Variants in TTC7B observed in about 807,000 individuals in gnomAD.
TTC7B encodes tetratricopeptide repeat protein 7B.
TTC7B carries 28 observed loss-of-function variants against 106.8 expected under a neutral mutation model. The observed-to-expected ratio is 0.26, with a 90% CI of 0.19 to 0.36. The LOEUF (loss-of-function observed/expected upper bound fraction) is 0.36. Ranked by LOEUF, TTC7B falls within the 10% of genes least tolerant of loss-of-function variation. The pLI, the probability that TTC7B is intolerant of heterozygous loss-of-function variation, is 1.00. For missense variants in TTC7B, 862 were observed against 1,076.4 expected, an observed-to-expected ratio of 0.80 and a Z score of 2.79; for synonymous variants, 405 against 430.6, an observed-to-expected ratio of 0.94 and a Z score of 0.74.
At chr14:90,664,253 T>G (rs1403992959) in intron 9 of TTC7B, among the ~76,000 whole-genome samples, 1 of 152,122 alleles carries the variant, frequency 6.6e-6, no homozygotes, top group Admixed American at 6.6e-5. Flanking sequence ...ATAAAAGCAT[T>G]CACATTTTTT....
chr14:90,678,722 A>G (rs1306318328), intron 8 of TTC7B, among the ~76,000 whole-genome samples: 1 of 152,222 alleles, frequency 6.6e-6, no homozygotes, highest in African/African-American at 2.4e-5. Context: ...ATTAGTTTCT[A>G]TCACTTCAAT....
At chr14:90,730,616 G>C (rs1210394542) in intron 4 of TTC7B, among the ~76,000 whole-genome samples, 2 of 152,192 alleles carry the variant, frequency 1.3e-5, no homozygotes, top group South Asian at 2.1e-4. Context: ...CTGCAGCCCT[G>C]CATGAGCTTG....
At chr14:90,609,315 G>C (rs79555742) in intron 17 of TTC7B, among the ~76,000 whole-genome samples, 3 of 152,304 alleles carry the variant, frequency 2.0e-5, no homozygotes, top group Middle Eastern at 3.4e-3. Context: ...GATTTGTGCC[G>C]CTTCCAGTGC....
chr14:90,661,450 T>G (rs1411365523), intron 9 of TTC7B, among the ~76,000 whole-genome samples: 1 of 151,942 alleles, frequency 6.6e-6, no homozygotes, highest in African/African-American at 2.4e-5. Flanking sequence ...CTGGGAGGCA[T>G]GGGCTGGGAC....
chr14:90,694,550 A>G (rs1887599723), intron 6 of TTC7B, among the ~76,000 whole-genome samples: 1 of 134,268 alleles, frequency 7.4e-6, no homozygotes, highest in African/African-American at 2.8e-5. Context: ...GGCTTGCGCA[A>G]GTTCACAAGC....
intron 7 of TTC7B, among the ~76,000 whole-genome samples, chr14:90,681,297 C>A (rs923882188): frequency 6.6e-6 from 1 of 152,022 alleles, no homozygotes; most frequent in Non-Finnish European, 1.5e-5. Context: ...TGAATGTTAT[C>A]ACCAATTGGG....
chr14:90,620,203 T>C lies in TTC7B; in HGVS notation c.1752-2158A>G, dbSNP rs560368789. On this transcript the variant is annotated intron_variant, in intron 15 of 19. Transcript: ENST00000328459. ...GACGAGGGCCAGGTAAAGGGAGGAA[T>C]GTAGTCTCTGATCTACAAGCAGATG... Among the ~76,000 whole-genome samples the C allele has an allele frequency of 7.9e-5, 12 of 152,072 alleles. No homozygotes were observed. The South Asian group carries it at 2.5e-3, about 32-fold the overall frequency.
chr14:90,789,205 TCTC>T, intron 1 of TTC7B, among the ~76,000 whole-genome samples: 1 of 152,122 alleles, frequency 6.6e-6, no homozygotes, highest in Middle Eastern at 3.4e-3. Context: ...TTCAAGCAAT[TCTC>T]CTGCCTCAGC....
intron 17 of TTC7B, among the ~76,000 whole-genome samples, chr14:90,607,249 G>A (rs1218698275): frequency 6.6e-6 from 1 of 152,240 alleles, no homozygotes; most frequent in Non-Finnish European, 1.5e-5. Context: ...AAAGGAATCT[G>A]CCTGCACAGC....
In TTC7B at chr14:90,780,624, C is replaced by G. The variant is rs1275357151; in HGVS notation, c.445+114G>C. Reference sequence around the variant, plus strand: ...CTGCAGGGCGGCCCCAGCAGCCTTGCTGGGAACTGCCAGGTTCATCACCAG... The same window carrying G: ...CTGCAGGGCGGCCCCAGCAGCCTTGGTGGGAACTGCCAGGTTCATCACCAG... On this transcript the variant is annotated intron_variant, in intron 3 of 19. Coordinates refer to ENST00000328459, the MANE Select transcript of TTC7B (RefSeq NM_001010854.2). 5 of 1,293,802 alleles carry G rather than the reference C, an allele frequency of 3.9e-6. No homozygotes were observed. The East Asian group carries it at 1.2e-4, about 30-fold the overall frequency. 80.1% of individuals were successfully genotyped at this position (1,293,802 alleles called of 1,614,324 possible). A position where few individuals can be genotyped will look rare whatever the true frequency, so the allele number is the denominator to read the frequency against.
At chr14:90,778,126 G>A (rs571484896) in intron 3 of TTC7B, among the ~76,000 whole-genome samples, 1 of 152,252 alleles carries the variant, frequency 6.6e-6, no homozygotes, top group African/African-American at 2.4e-5. Context: ...TCCAGGGCCT[G>A]GAGCCCCCAG....
chr14:90,593,354 G>A, intron 18 of TTC7B, 132 bp downstream of exon 18: 1 of 1,316,562 alleles, frequency 7.6e-7, no homozygotes, highest in Non-Finnish European at 1.0e-6. Flanking sequence ...TGGCCGTGAA[G>A]CTTTGATCTC....
chr14:90,816,199 G>C lies in TTC7B; in HGVS notation c.97C>G (p.Leu33Val). ...WERIPELVKQ[L>V]SAKLIANDDM... is the part of the protein sequence containing the mutation. ...CCGTTGGCGATGAGCTTGGCCGACA[G>C]CTGCTTGACGAGCTCAGGGATCCGC... is the stretch of plus-strand genomic sequence containing the variant. Residue 33 changes from leucine (L) to valine (V), a missense_variant, in exon 1 of 20, where the codon CTG becomes GTG. Leu to Val is a conservative substitution (Grantham distance 32, BLOSUM62 1). Transcript: ENST00000328459. 2 of 1,268,246 alleles carry C rather than the reference G, an allele frequency of 1.6e-6. No individual in the cohort carries two copies. Among genetic ancestry groups the C allele is most frequent in the Non-Finnish European group, 2.1e-6 (2 of 974,498 alleles). 78.6% of individuals were successfully genotyped at this position (1,268,246 alleles called of 1,614,324 possible).
intron 16 of TTC7B, among the ~76,000 whole-genome samples, chr14:90,615,667 T>C (rs919901022): frequency 6.6e-6 from 1 of 152,216 alleles, no homozygotes; most frequent in African/African-American, 2.4e-5. Context: ...TCAGGCTTTA[T>C]GCTGTTGCCA....
rs1245792971 is a variant in TTC7B at position 90,524,901 on chromosome 14, AC to A, written c.*16466del. On this transcript the variant is annotated 3_prime_UTR_variant, in exon 20 of 20. Coordinates refer to ENST00000328459, the MANE Select transcript of TTC7B (RefSeq NM_001010854.2). Reference sequence around the variant, plus strand: ...AGGCCTTTTTTTTTAAAAAAAAAAAACAAACAAAAAAACAAAAAACAGCCTT... The same window carrying A: ...AGGCCTTTTTTTTTAAAAAAAAAAAAAAACAAAAAAACAAAAAACAGCCTT... 25 of 148,696 alleles carry A rather than the reference AC, an allele frequency of 1.7e-4. 1 individual carries two copies. Among genetic ancestry groups the A allele is most frequent in the Admixed American group, 1.3e-3 (20 of 14,922 alleles). 9.2% of individuals were successfully genotyped at this position (148,696 alleles called of 1,614,324 possible). A position where few individuals can be genotyped will look rare whatever the true frequency, so the allele number is the denominator to read the frequency against.
intron 3 of TTC7B, chr14:90,766,787 C>T (rs1263528232): frequency 6.3e-7 from 1 of 1,577,208 alleles, no homozygotes; most frequent in Admixed American, 1.7e-5. Flanking sequence ...TTCTTGAACA[C>T]ACAGAAGGAT....
At chr14:90,551,791 G>C (rs1890091178) in intron 19 of TTC7B, among the ~76,000 whole-genome samples, 1 of 152,208 alleles carries the variant, frequency 6.6e-6, no homozygotes, top group African/African-American at 2.4e-5. Context: ...TCTGGCAAGT[G>C]TCAGAGGCAC....
intron 9 of TTC7B, among the ~76,000 whole-genome samples, chr14:90,661,476 A>G (rs1024475780): frequency 1.3e-5 from 2 of 152,134 alleles, no homozygotes; most frequent in African/African-American, 4.8e-5. Flanking sequence ...AGGGGAGGAC[A>G]AGTGTGATGG....
chr14:90,592,316 G>A (rs183400887), intron 18 of TTC7B, among the ~76,000 whole-genome samples: 1 of 152,232 alleles, frequency 6.6e-6, no homozygotes. Context: ...GATGAAACCT[G>A]AGGAGGGGAA....
Sources: gnomAD v4.1 joint callset for allele counts (sites outside exome capture counted in the v4.1 genomes callset) on GRCh38, gnomAD v4.1.1 for gene constraint, MANE v1.5 for transcripts, NCBI Gene and HGNC (gene_info 2026-07-23, HGNC 2026-07-21) for gene names.